The following ANKS1B variants were observed in gnomAD, a reference collection of about 807,000 sequenced individuals.
The protein encoded by ANKS1B is ankyrin repeat and sterile alpha motif domain-containing protein 1B.
Under a neutral mutation model 148.3 loss-of-function variants are expected in ANKS1B, and 36 were observed. The ratio of observed to expected loss-of-function variants is 0.24; its 90% CI spans 0.19 to 0.32. The LOEUF (loss-of-function observed/expected upper bound fraction) is 0.32, where lower values mean the gene tolerates loss of function less well. Ranked by LOEUF, ANKS1B falls within the 10% of genes least tolerant of loss-of-function variation. The probability of loss-of-function intolerance (pLI) is 1.00; values close to 1 mark genes in which losing one functional copy is unlikely to be tolerated. For synonymous variants in ANKS1B, 542 were observed against 560.8 expected (o/e 0.97, Z 0.47); for missense variants, 1,157 against 1,542.6 (o/e 0.75, Z 4.19).
intron 17 of ANKS1B, among the ~76,000 whole-genome samples, chr12:99,025,913 G>A (rs1237045487): frequency 6.6e-6 from 1 of 152,116 alleles, no homozygotes; most frequent in Non-Finnish European, 1.5e-5. Flanking sequence ...GCCAATGCCT[G>A]GTGTCATATA....
intron 1 of ANKS1B, among the ~76,000 whole-genome samples, chr12:99,877,007 A>G (rs1313437027): frequency 6.6e-6 from 1 of 152,102 alleles, no homozygotes; most frequent in African/African-American, 2.4e-5. Context: ...TCTGGCATTT[A>G]GCGCCATGCT....
intron 11 of ANKS1B, among the ~76,000 whole-genome samples, chr12:99,424,665 A>G (rs781073266): frequency 3.3e-5 from 5 of 151,376 alleles, no homozygotes; most frequent in African/African-American, 4.9e-5. Context: ...ACACACCCAT[A>G]AGGAAAATTT....
At chr12:99,850,064 G>A (rs762212743) in intron 1 of ANKS1B, among the ~76,000 whole-genome samples, 120 of 152,146 alleles carry the variant, frequency 7.9e-4, no homozygotes, top group Non-Finnish European at 1.5e-3. Flanking sequence ...ATGTCATTAG[G>A]GAGCATGTTA....
At chr12:99,610,233 T>C (rs1428758945) in intron 9 of ANKS1B, among the ~76,000 whole-genome samples, 5 of 152,098 alleles carry the variant, frequency 3.3e-5, no homozygotes, top group Non-Finnish European at 7.4e-5. Flanking sequence ...TGATGAAGAA[T>C]AGACAGTTAT....
intron 16 of ANKS1B, among the ~76,000 whole-genome samples, chr12:99,063,820 T>C (rs952073171): frequency 2.0e-5 from 3 of 152,208 alleles, no homozygotes; most frequent in African/African-American, 7.2e-5. Flanking sequence ...ACTGTGACTG[T>C]TGTTGGAAAG....
chr12:99,720,880 A>G (rs7953725), intron 8 of ANKS1B, among the ~76,000 whole-genome samples: 66,239 of 152,010 alleles, frequency 0.44, 14,837 homozygotes, highest in South Asian at 0.61. Context: ...CATCACAGCC[A>G]ATATCTCCTG....
At position 98,829,516 on chromosome 12, in the gene ANKS1B, T is replaced by C. The variant is rs1244574765; in HGVS notation, c.2887-163A>G. Among the ~76,000 whole-genome samples the C allele has an allele frequency of 6.6e-6, 1 of 152,220 alleles. No homozygotes were observed. Among genetic ancestry groups the C allele is most frequent in the Non-Finnish European group, 1.5e-5 (1 of 68,036 alleles). ...CCACCACTTTATTAATGGCATGATC[T>C]AGTCAATACGTTTTTCCCCTAAGTA... is the stretch of plus-strand genomic sequence containing the variant. On this transcript the variant is annotated intron_variant, in intron 18 of 26. Coordinates refer to ENST00000683438, the MANE Select transcript of ANKS1B (RefSeq NM_001352186.2). This position sits in a 1 kb window ranked among gnomAD's most constrained non-coding sequence, Gnocchi z 5.2.
intron 11 of ANKS1B, among the ~76,000 whole-genome samples, chr12:99,429,919 G>C (rs1289810974): frequency 1.3e-5 from 2 of 151,858 alleles, no homozygotes; most frequent in Admixed American, 1.3e-4. Flanking sequence ...AGCCAAGATC[G>C]TGTCACTGCA....
At chr12:99,098,211 A>G (rs2056843378) in intron 15 of ANKS1B, among the ~76,000 whole-genome samples, 1 of 152,228 alleles carries the variant, frequency 6.6e-6, no homozygotes, top group South Asian at 2.1e-4. Flanking sequence ...TAAGTGGCAG[A>G]GCTGCTTTGG....
chr12:99,953,801 G>T (rs531192852), intron 1 of ANKS1B, among the ~76,000 whole-genome samples: 20 of 152,248 alleles, frequency 1.3e-4, no homozygotes, highest in Non-Finnish European at 2.4e-4. Context: ...AAGAATAAAA[G>T]CAGAGGTAGA....
chr12:99,287,843 A>G (rs1260949326), intron 12 of ANKS1B, among the ~76,000 whole-genome samples: 2 of 152,184 alleles, frequency 1.3e-5, no homozygotes, highest in Non-Finnish European at 2.9e-5. Flanking sequence ...AAGACAGGCT[A>G]TTTGAAAACA....
At chr12:98,850,805 TTCTCTCCAAC>T (rs1036934412) in intron 17 of ANKS1B, among the ~76,000 whole-genome samples, 2 of 151,356 alleles carry the variant, frequency 1.3e-5, no homozygotes, top group Non-Finnish European at 2.9e-5. Context: ...AAAAAAAAGA[TTCTCTCCAAC>T]TCTCTTTGCC....
intron 19 of ANKS1B, among the ~76,000 whole-genome samples, chr12:98,815,672 A>AT (rs987680457): frequency 1.9e-4 from 29 of 152,054 alleles, no homozygotes; most frequent in East Asian, 3.9e-4. Context: ...AATGGCAGCC[A>AT]TTTTTTTTCC....
intron 10 of ANKS1B, among the ~76,000 whole-genome samples, chr12:99,459,877 A>G (rs2095920478): frequency 6.6e-6 from 1 of 152,072 alleles, no homozygotes; most frequent in Non-Finnish European, 1.5e-5. Flanking sequence ...AATTACCACC[A>G]TCATTCTTCA....
At chr12:99,335,682 T>C (rs757518705) in intron 12 of ANKS1B, among the ~76,000 whole-genome samples, 4 of 152,148 alleles carry the variant, frequency 2.6e-5, no homozygotes, top group African/African-American at 9.6e-5. Context: ...CAGGATCTTA[T>C]TATTTTTATG....
chr12:99,455,082 C>T (rs1199560310), intron 10 of ANKS1B, among the ~76,000 whole-genome samples: 2 of 152,166 alleles, frequency 1.3e-5, no homozygotes, highest in Non-Finnish European at 2.9e-5. Context: ...AGGTTGTATG[C>T]TTTCCCTTTT....
rs775574832 is a variant in ANKS1B, at chr12:99,246,653, G to A, written c.1968C>T (p.Asn656=). ...LPFKQSPIEN[N]SEPLVKKIKP... ...TAATTTTCTTTACCAAAGGTTCTGA[G>A]TTATTTTCTATTGGAGACTGCTTGA... The change falls in exon 13 of 27, where the codon AAC becomes AAT. Residue 656 remains asparagine (N), a synonymous_variant. Transcript: ENST00000683438. 6.2e-7 allele frequency: 1 copy of A among 1,613,744 alleles called. No homozygotes were observed. The highest frequency in any genetic ancestry group is 8.5e-7 in the Non-Finnish European group (1 of 1,179,842).
At chr12:99,812,370 A>T in intron 2 of ANKS1B, 59 bp from the exon 3 acceptor site, 1 of 1,507,866 alleles carries the variant, frequency 6.6e-7, no homozygotes, top group South Asian at 1.3e-5. Flanking sequence ...TGTATTAAAT[A>T]GGTAATTTTA....
At chr12:99,249,791 A>C (rs994093615) in intron 12 of ANKS1B, among the ~76,000 whole-genome samples, 1 of 152,174 alleles carries the variant, frequency 6.6e-6, no homozygotes, top group Non-Finnish European at 1.5e-5. Flanking sequence ...AGCAAATGTG[A>C]TATAAGCAGA....
Sources: gnomAD v4.1 joint callset for allele counts (sites outside exome capture counted in the v4.1 genomes callset) on GRCh38, gnomAD v4.1.1 for gene constraint, Gnocchi (gnomAD v3.1) non-coding constraint, MANE v1.5 for transcripts, NCBI Gene and HGNC (gene_info 2026-07-23, HGNC 2026-07-21) for gene names.